Variants in PCGF2 observed in about 807,000 individuals in gnomAD.
PCGF2 encodes the protein polycomb group ring finger 2, also known as polycomb group RING finger protein 2.
Under a neutral mutation model 36.1 loss-of-function variants are expected in PCGF2, and 8 were observed. That is an observed-to-expected ratio of 0.22 (90% confidence interval 0.13 to 0.40). The LOEUF is 0.40. Ranked by LOEUF, PCGF2 falls within the 10% of genes least tolerant of loss-of-function variation. The pLI is 1.00. For missense variants in PCGF2, 436 were observed against 475.9 expected (o/e 0.92, Z 0.78); for synonymous variants, 198 against 191.2 (o/e 1.04, Z -0.29).
intron 2 of PCGF2, among the ~76,000 whole-genome samples, chr17:38,744,729 C>T (rs741030): frequency 0.034 from 5,167 of 152,246 alleles, 294 homozygotes; most frequent in African/African-American, 0.12. Context: ...TCTTCATGGT[C>T]CCCTGTGGAA....
intron 6 of PCGF2, 101 bp downstream of exon 6, chr17:38,738,967 G>C: frequency 1.3e-6 from 2 of 1,531,306 alleles, no homozygotes; most frequent in Non-Finnish European, 1.8e-6. Context: ...ACCTTCTGGA[G>C]AGGTGTGCGC....
chr17:38,737,444 C>T (rs1906859123), intron 9 of PCGF2, among the ~76,000 whole-genome samples: 1 of 151,942 alleles, frequency 6.6e-6, no homozygotes, highest in Admixed American at 6.6e-5. Flanking sequence ...GCCTGCGTGA[C>T]AAAGGGGAAA....
intron 9 of PCGF2, among the ~76,000 whole-genome samples, chr17:38,737,134 T>C (rs942917521): frequency 5.4e-5 from 8 of 147,152 alleles, no homozygotes; most frequent in Non-Finnish European, 1.0e-4. Flanking sequence ...AGACTCTGTC[T>C]CAAAAAACAA....
upstream of PCGF2, chr17:38,749,433 C>A (rs577474481): frequency 5.4e-5 from 18 of 330,676 alleles, no homozygotes; most frequent in Non-Finnish European, 1.0e-4. The surrounding 1 kb of genome is among the most constrained non-coding windows in gnomAD (Gnocchi z 6.5). Flanking sequence ...TTGGAAACGC[C>A]GGGAGTAGCG....
At chr17:38,736,987 C>T (rs1906810621) in intron 9 of PCGF2, among the ~76,000 whole-genome samples, 1 of 150,814 alleles carries the variant, frequency 6.6e-6, no homozygotes, top group Admixed American at 6.6e-5. Flanking sequence ...ACAGAATTAG[C>T]CGGGTGTGGT....
chr17:38,734,976 C>A lies in PCGF2; in HGVS notation c.*247G>T. On this transcript the variant is annotated 3_prime_UTR_variant, in exon 11 of 11. Transcript: ENST00000620225. ...CCCCAAAAAAAATGAACACCATTTTCCACACATACACACACACATAAAGTT... is the reference window on the plus strand; with the variant it reads ...CCCCAAAAAAAATGAACACCATTTTACACACATACACACACACATAAAGTT... 2.9e-6 allele frequency: 1 copy of A among 345,188 alleles called. No homozygotes were observed. The highest frequency in any genetic ancestry group is 5.2e-6 in the Non-Finnish European group (1 of 193,552). 21.4% of individuals were successfully genotyped at this position (345,188 alleles called of 1,614,324 possible). A position where few individuals can be genotyped will look rare whatever the true frequency, so the allele number is the denominator to read the frequency against.
chr17:38,741,107 G>A (rs1037737796), intron 2 of PCGF2, among the ~76,000 whole-genome samples: 2 of 151,972 alleles, frequency 1.3e-5, no homozygotes, highest in African/African-American at 4.8e-5. Context: ...CCAATCCCAA[G>A]TCGGGCACAG....
Position 38,735,146 on chromosome 17 carries a change from A to T in PCGF2, c.*77T>A. On this transcript the variant is annotated 3_prime_UTR_variant, in exon 11 of 11. Coordinates refer to ENST00000620225, the MANE Select transcript of PCGF2 (RefSeq NM_007144.3). ...GGTGGGAAGAGCTGGGGAAAGTAGA[A>T]GAGGTGGAAAAAAGGGCCCAGAAAA... The T allele has an allele frequency of 8.8e-7, 1 of 1,141,336 alleles. No individual in the cohort carries two copies. Among genetic ancestry groups the T allele is most frequent in the East Asian group, 3.0e-5 (1 of 33,284 alleles). 70.7% of individuals were successfully genotyped at this position (1,141,336 alleles called of 1,614,324 possible). A position where few individuals can be genotyped will look rare whatever the true frequency, so the allele number is the denominator to read the frequency against.
chr17:38,742,613 G>A (rs886378896), intron 2 of PCGF2, among the ~76,000 whole-genome samples: 31 of 152,066 alleles, frequency 2.0e-4, no homozygotes, highest in African/African-American at 6.8e-4. Flanking sequence ...GGGTGGCCTC[G>A]GCCAGCCCTC....
chr17:38,744,473 A>G (rs1171087658), intron 2 of PCGF2, among the ~76,000 whole-genome samples: 1 of 152,006 alleles, frequency 6.6e-6, no homozygotes, highest in East Asian at 1.9e-4. Flanking sequence ...CTCCTGCCTC[A>G]ACCTCCCAAG....
chr17:38,735,991 C>T, intron 10 of PCGF2, 99 bp downstream of exon 10: 2 of 835,374 alleles, frequency 2.4e-6, no homozygotes, highest in South Asian at 1.5e-5. Context: ...GGATAAGGGA[C>T]AGACTGTCTC....
intron 2 of PCGF2, 26 bp from the exon 3 acceptor site, chr17:38,740,468 AC>A: frequency 6.6e-7 from 1 of 1,521,778 alleles, no homozygotes; most frequent in Non-Finnish European, 8.9e-7. Flanking sequence ...GGAATCAGAA[AC>A]CCAGAGTTGG....
rs1275609692 is a variant in PCGF2, at chr17:38,734,222, T to G, written c.*1001A>C. 1 of 152,542 alleles carries G rather than the reference T, an allele frequency of 6.6e-6. No individual in the cohort carries two copies. Among genetic ancestry groups the G allele is most frequent in the Non-Finnish European group, 1.5e-5 (1 of 68,118 alleles). 9.4% of individuals were successfully genotyped at this position (152,542 alleles called of 1,614,324 possible). ...GTCTTCTTGTGCTTTTAGATGCAGT[T>G]GCTCTGTCCTGACCAGGTGACCGGG... On this transcript the variant is annotated 3_prime_UTR_variant, in exon 11 of 11. Coordinates refer to ENST00000620225, the MANE Select transcript of PCGF2 (RefSeq NM_007144.3).
At chr17:38,746,859 T>A (rs1479090632) in intron 2 of PCGF2, among the ~76,000 whole-genome samples, 1 of 152,110 alleles carries the variant, frequency 6.6e-6, no homozygotes, top group East Asian at 1.9e-4. Flanking sequence ...ACCAAAAAGC[T>A]GCAACAGAGC....
At position 38,735,471 on chromosome 17, in the gene PCGF2, C is replaced by G; in HGVS notation, c.787G>C (p.Ala263Pro). ...ASECESVSDK[A>P]PSPATLPATS... ...GCTGGCAGGGTGGCAGGGCTGGGAG[C>G]CTTGTCGCTGACTGACTCACACTCG... Residue 263 changes from alanine to proline, a missense_variant, in exon 11 of 11, where the codon GCT becomes CCT. Ala to Pro is a conservative substitution (Grantham distance 27, BLOSUM62 -1). Around this residue, in one of 3 missense-constraint regions of PCGF2, gnomAD observed 227 missense variants for 212.9 expected, o/e 1.07. Coordinates refer to ENST00000620225, the MANE Select transcript of PCGF2 (RefSeq NM_007144.3). The G allele has an allele frequency of 6.3e-7, 1 of 1,591,120 alleles. No individual in the cohort carries two copies. The highest frequency in any genetic ancestry group is 8.6e-7 in the Non-Finnish European group (1 of 1,168,998).
At chr17:38,738,999 G>T in intron 6 of PCGF2, 69 bp downstream of exon 6, 1 of 1,571,224 alleles carries the variant, frequency 6.4e-7, no homozygotes, top group Non-Finnish European at 8.8e-7. Flanking sequence ...GAGGGTGAGG[G>T]GTAGCGCTAC....
chr17:38,735,750 A>G (rs1210952627), intron 10 of PCGF2, 150 bp from the exon 11 acceptor site: 1 of 1,112,944 alleles, frequency 9.0e-7, no homozygotes, highest in Non-Finnish European at 1.2e-6. Context: ...ACAAGGATAC[A>G]GGGTGCATGA....
Position 38,735,486 on chromosome 17 carries a change from ACT to A in PCGF2, c.770_771del (p.Glu257ValfsTer60). 1.3e-6 allele frequency: 2 copies of A among 1,593,566 alleles called. No individual in the cohort carries two copies. Among genetic ancestry groups the A allele is most frequent in the Non-Finnish European group, 1.7e-6 (2 of 1,170,448 alleles). ...GTNTSGASEC[E>X]SVSDKAPSPA... ...GGGCTGGGAGCCTTGTCGCTGACTG[ACT>A]CACACTCGGACGCCCCGCTGGTGTT... is the stretch of plus-strand genomic sequence containing the variant. On this transcript the variant is annotated frameshift_variant, in exon 11 of 11. Transcript: ENST00000620225. LOFTEE classifies it high-confidence loss of function.
chr17:38,744,496 C>A lies in PCGF2; in HGVS notation c.-41+3383G>T, dbSNP rs374354749. Among the ~76,000 whole-genome samples the A allele has an allele frequency of 1.8e-4, 28 of 152,302 alleles. No individual in the cohort carries two copies. The East Asian group carries it at 5.2e-3, about 28-fold the overall frequency. On this transcript the variant is annotated intron_variant, in intron 2 of 10. Coordinates refer to ENST00000620225, the MANE Select transcript of PCGF2 (RefSeq NM_007144.3). ...TCAACCTCCCAAGTAGCTGGGAATA[C>A]AGGCGTGTGCCACCACACCTGGCTA...
Sources: allele counts gnomAD v4.1 joint callset (sites outside exome capture counted in the v4.1 genomes callset), GRCh38; gene constraint gnomAD v4.1.1; regional missense constraint gnomAD v4.1.1; non-coding constraint Gnocchi (gnomAD v3.1); transcripts MANE v1.5; gene names NCBI Gene and HGNC (gene_info 2026-07-23, HGNC 2026-07-21).